Variants in RUVBL1 observed in about 807,000 individuals in gnomAD.
The protein encoded by RUVBL1 is ruvB-like 1.
RUVBL1 carries 4 observed loss-of-function variants against 52.4 expected under a neutral mutation model. The ratio of observed to expected loss-of-function variants is 0.08; its 90% confidence interval spans 0.04 to 0.17. The LOEUF (loss-of-function observed/expected upper bound fraction) is 0.17, where lower values mean the gene tolerates loss of function less well. Among genes scored for constraint, RUVBL1 ranks in the 10% least tolerant of loss-of-function variants. The pLI is 1.00. For missense variants in RUVBL1, 298 were observed against 572.8 expected (o/e 0.52, Z 4.90); for synonymous variants, 217 against 214.4 (o/e 1.01, Z -0.10).
chr3:128,150,864 TTATATATA>T (rs369748425), intron 1 of RUVBL1, among the ~76,000 whole-genome samples: 1 of 72,940 alleles, frequency 1.4e-5, no homozygotes, highest in Non-Finnish European at 2.3e-5. Flanking sequence ...ATATTATATA[TTATATATA>T]TATATTCTAT....
At chr3:128,084,009 C>A in intron 9 of RUVBL1, 1 of 152,374 alleles carries the variant, frequency 6.6e-6, no homozygotes, top group Non-Finnish European at 1.5e-5. Context: ...ACCCGGGAGG[C>A]GGAGGTTGCA....
At chr3:128,100,409 T>C (rs1195194501) in intron 6 of RUVBL1, among the ~76,000 whole-genome samples, 186 bp downstream of exon 6, 1 of 152,240 alleles carries the variant, frequency 6.6e-6, no homozygotes, top group Non-Finnish European at 1.5e-5. Flanking sequence ...CATCTGTGAC[T>C]AGAGCATTTG....
chr3:128,132,762 G>A (rs902588659), intron 1 of RUVBL1, among the ~76,000 whole-genome samples: 7 of 152,150 alleles, frequency 4.6e-5, no homozygotes, highest in African/African-American at 1.4e-4. Context: ...TATTTACCAC[G>A]AGCCTTGGGT....
chr3:128,123,895 G>A, upstream of RUVBL1: 1 of 1,260,756 alleles, frequency 7.9e-7, no homozygotes, highest in Non-Finnish European at 1.0e-6. Context: ...GCTCACGGCT[G>A]CGCCCATCGC....
At chr3:128,101,431 G>T in intron 5 of RUVBL1, 128 bp downstream of exon 5, 1 of 779,730 alleles carries the variant, frequency 1.3e-6, no homozygotes, top group Non-Finnish European at 2.1e-6. Context: ...CCTTCCATCA[G>T]CCTCATAACA....
chr3:128,123,327 T>C (rs56827626), intron 1 of RUVBL1, among the ~76,000 whole-genome samples: 1 of 152,150 alleles, frequency 6.6e-6, no homozygotes, highest in Non-Finnish European at 1.5e-5. Flanking sequence ...TGTGTGGGTT[T>C]ATATCAGCAC....
At chr3:128,153,788 C>T (rs1370542705) in exon 1 of RUVBL1, 1 of 1,527,532 alleles carries the variant, frequency 6.5e-7, no homozygotes, top group South Asian at 1.2e-5. Flanking sequence ...GTCGACTGCC[C>T]CGGGCACGCC....
chr3:128,150,848 T>TA (rs1944184143), intron 1 of RUVBL1, among the ~76,000 whole-genome samples: 1 of 85,628 alleles, frequency 1.2e-5, no homozygotes, highest in African/African-American at 4.9e-5. Flanking sequence ...TCTATATATA[T>TA]TCTATATATT....
intron 9 of RUVBL1, among the ~76,000 whole-genome samples, chr3:128,074,864 AAC>A (rs1553723529): frequency 4.2e-4 from 63 of 151,290 alleles, no homozygotes; most frequent in African/African-American, 1.3e-3. Context: ...AAAAAAAAAA[AAC>A]TTAAAAAACC....
chr3:128,077,869 C>A (rs999023269), downstream of RUVBL1, among the ~76,000 whole-genome samples: 4 of 152,198 alleles, frequency 2.6e-5, no homozygotes, highest in Non-Finnish European at 4.4e-5. Context: ...GAATCAGGAA[C>A]TCTTTACTGC....
At chr3:128,090,640 TAAG>T (rs1292570714) in intron 8 of RUVBL1, among the ~76,000 whole-genome samples, 1 of 152,230 alleles carries the variant, frequency 6.6e-6, no homozygotes, top group East Asian at 1.9e-4. Flanking sequence ...TTTTTAAAAT[TAAG>T]AAGAATTATA....
intron 9 of RUVBL1, chr3:128,069,390 C>T: frequency 7.7e-7 from 1 of 1,297,286 alleles, no homozygotes; most frequent in Non-Finnish European, 1.1e-6. Flanking sequence ...GGCATTAGGT[C>T]CCAAAGTCTC....
intron 1 of RUVBL1, among the ~76,000 whole-genome samples, chr3:128,144,221 TC>T (rs766608911): frequency 1.6e-4 from 25 of 152,170 alleles, no homozygotes; most frequent in Non-Finnish European, 3.4e-4. Flanking sequence ...AAGGGAAATT[TC>T]CATTTCACTC....
rs1264075524 is a variant in RUVBL1 at position 128,100,799 on chromosome 3, A to G, written c.604-55T>C. ...GTAAGTTTTCACTGCCAAGTCCCCA[A>G]ATGGCACAGGGCTAAGTGAGATAAA... On this transcript the variant is annotated intron_variant, in intron 5 of 10. Coordinates refer to ENST00000322623, the MANE Select transcript of RUVBL1 (RefSeq NM_003707.3). The G allele has an allele frequency of 3.7e-6, 6 of 1,606,304 alleles. No individual in the cohort carries two copies. In the African/African-American group the frequency reaches 6.7e-5, roughly 18 times the overall value.
chr3:128,101,331 T>A (rs1943103357), intron 5 of RUVBL1, among the ~76,000 whole-genome samples: 1 of 152,216 alleles, frequency 6.6e-6, no homozygotes, highest in Non-Finnish European at 1.5e-5. Context: ...GTATTTTTTC[T>A]AACAGACTAT....
chr3:128,134,186 G>A (rs975935105), intron 1 of RUVBL1, among the ~76,000 whole-genome samples: 1 of 152,116 alleles, frequency 6.6e-6, no homozygotes, highest in Non-Finnish European at 1.5e-5. Flanking sequence ...TATTTGGCCA[G>A]GCGTAGTGGC....
chr3:128,090,764 A>G lies in RUVBL1; in HGVS notation c.1017-2956T>C, dbSNP rs139951985. Among the ~76,000 whole-genome samples the G allele has an allele frequency of 4.6e-3, 701 of 152,300 alleles. 5 individuals are homozygous for G. Among genetic ancestry groups the G allele is most frequent in the African/African-American group, 0.015 (619 of 41,558 alleles). ...ATTTAATTTTTAGTTTTTTAATTCT[A>G]TTTAGGCCATAAGTGTTTTTTAAGT... On this transcript the variant is annotated intron_variant, in intron 8 of 10. Transcript: ENST00000322623.
At chr3:128,119,910 C>T (rs191404444) in intron 1 of RUVBL1, among the ~76,000 whole-genome samples, 1 of 152,094 alleles carries the variant, frequency 6.6e-6, no homozygotes, top group African/African-American at 2.4e-5. Flanking sequence ...AGGTAGACAG[C>T]GGCCAGAACG....
intron 1 of RUVBL1, among the ~76,000 whole-genome samples, chr3:128,147,249 T>C (rs1161434152): frequency 6.6e-6 from 1 of 152,140 alleles, no homozygotes; most frequent in African/African-American, 2.4e-5. Context: ...TTTGTGTTTT[T>C]TGTAGAGGTG....
Sources: allele counts gnomAD v4.1 joint callset (sites outside exome capture counted in the v4.1 genomes callset), GRCh38; gene constraint gnomAD v4.1.1; transcripts MANE v1.5; gene names NCBI Gene and HGNC (gene_info 2026-07-23, HGNC 2026-07-21).